The following CDH18 variants were observed in gnomAD, a reference collection of about 807,000 sequenced individuals.
The protein encoded by CDH18 is cadherin 18, also known as cadherin-18.
In CDH18, 31 loss-of-function variants were observed where a neutral mutation model predicts 67.9. That is an observed-to-expected ratio of 0.46 (90% confidence interval 0.34 to 0.62). The LOEUF (loss-of-function observed/expected upper bound fraction) is 0.62, where lower values mean the gene tolerates loss of function less well. Ranked by LOEUF, CDH18 falls within the 20% of genes least tolerant of loss-of-function variation. The pLI, the probability that CDH18 is intolerant of heterozygous loss-of-function variation, is 0.01. For missense variants in CDH18, 890 were observed against 975.5 expected (o/e 0.91, Z 1.17); for synonymous variants, 362 against 347.2 (o/e 1.04, Z -0.48).
chr5:20,377,678 T>G (rs758834454), intron 1 of CDH18, among the ~76,000 whole-genome samples: 2 of 152,212 alleles, frequency 1.3e-5, no homozygotes, highest in Non-Finnish European at 2.9e-5. Flanking sequence ...AATATGTTAA[T>G]CATGACTTAG....
chr5:20,203,891 G>A (rs973727668), intron 2 of CDH18, among the ~76,000 whole-genome samples: 1 of 151,880 alleles, frequency 6.6e-6, no homozygotes, highest in African/African-American at 2.4e-5. Context: ...AGAGTGGAAT[G>A]GATCAAGCAG....
chr5:19,622,960 G>C (rs1021454487), intron 5 of CDH18, among the ~76,000 whole-genome samples: 2 of 152,084 alleles, frequency 1.3e-5, no homozygotes, highest in Non-Finnish European at 2.9e-5. Context: ...TTACCCCAAA[G>C]GAAAACCAGT....
At chr5:20,101,966 G>A (rs938670131) in intron 2 of CDH18, among the ~76,000 whole-genome samples, 3 of 152,084 alleles carry the variant, frequency 2.0e-5, no homozygotes, top group Non-Finnish European at 4.4e-5. Flanking sequence ...ACCTACTCAG[G>A]AGGCTGAGGC....
chr5:19,702,148 CTTTT>C, intron 5 of CDH18, among the ~76,000 whole-genome samples: 1 of 114,874 alleles, frequency 8.7e-6, no homozygotes, highest in African/African-American at 3.5e-5. Context: ...CTTTCTCTCT[CTTTT>C]TTTTTTTTTT....
chr5:20,509,581 T>C (rs1754890398), intron 1 of CDH18, among the ~76,000 whole-genome samples: 1 of 152,324 alleles, frequency 6.6e-6, no homozygotes, highest in Middle Eastern at 3.4e-3. Context: ...CAGTTTTGTT[T>C]TGTTTTGTTA....
At chr5:20,455,165 T>C (rs73060624) in intron 1 of CDH18, among the ~76,000 whole-genome samples, 3,525 of 152,106 alleles carry the variant, frequency 0.023, 132 homozygotes, top group African/African-American at 0.079. Flanking sequence ...AGTGTCATAA[T>C]TGAATCATTA....
At chr5:20,374,653 A>G (rs1006517374) in intron 1 of CDH18, among the ~76,000 whole-genome samples, 4 of 152,218 alleles carry the variant, frequency 2.6e-5, no homozygotes, top group African/African-American at 7.2e-5. Context: ...AGAATCATCA[A>G]TTCAGATCTG....
chr5:20,279,364 A>G (rs1380927864), intron 1 of CDH18, among the ~76,000 whole-genome samples: 1 of 150,986 alleles, frequency 6.6e-6, no homozygotes, highest in Non-Finnish European at 1.5e-5. Flanking sequence ...AATTATAAAT[A>G]TACACTCACC....
intron 1 of CDH18, among the ~76,000 whole-genome samples, chr5:20,278,928 G>A (rs1326251490): frequency 1.3e-5 from 2 of 151,914 alleles, no homozygotes; most frequent in African/African-American, 4.8e-5. Flanking sequence ...TACATGACCA[G>A]AGAAACTAAA....
chr5:19,496,435 C>T (rs1579807293), intron 11 of CDH18, among the ~76,000 whole-genome samples: 1 of 152,114 alleles, frequency 6.6e-6, no homozygotes, highest in African/African-American at 2.4e-5. Flanking sequence ...GTCACCGACA[C>T]AATAATGTTG....
At chr5:20,552,550 A>T (rs1303623741) in intron 1 of CDH18, among the ~76,000 whole-genome samples, 1 of 152,146 alleles carries the variant, frequency 6.6e-6, no homozygotes, top group East Asian at 1.9e-4. Flanking sequence ...TTTTAGTCTC[A>T]TACATACTGA....
At chr5:20,161,613 T>C (rs1473830844) in intron 2 of CDH18, among the ~76,000 whole-genome samples, 1 of 152,218 alleles carries the variant, frequency 6.6e-6, no homozygotes, top group East Asian at 1.9e-4. Context: ...GAAGAGATCA[T>C]TCATATCCAG....
chr5:20,370,224 GTCA>G (rs140411013), intron 1 of CDH18, among the ~76,000 whole-genome samples: 6,114 of 151,492 alleles, frequency 0.04, 177 homozygotes, highest in Non-Finnish European at 0.061. Context: ...CCTTGTCACC[GTCA>G]TCATTATTAT....
At chr5:20,520,736 G>A (rs1030679373) in intron 1 of CDH18, among the ~76,000 whole-genome samples, 5 of 152,096 alleles carry the variant, frequency 3.3e-5, no homozygotes, top group Admixed American at 2.0e-4. Context: ...GCAGTTTAGG[G>A]GATAATCTAG....
At position 20,156,609 on chromosome 5, in the gene CDH18, C is replaced by T. The variant is rs187601052; in HGVS notation, c.-518+98835G>A. Reference sequence around the variant, plus strand: ...AGGGGGAGAGATCAAATACTACCTACGGAATACAATGTACACTATTCAGGT... The same window carrying T: ...AGGGGGAGAGATCAAATACTACCTATGGAATACAATGTACACTATTCAGGT... On this transcript the variant is annotated intron_variant, in intron 2 of 14. Transcript: ENST00000507958. Among the ~76,000 whole-genome samples, 53 of 152,098 alleles carry T rather than the reference C, an allele frequency of 3.5e-4. No individual in the cohort carries two copies. In the East Asian group the frequency reaches 7.6e-3, roughly 22 times the overall value.
At chr5:20,422,227 A>C (rs886874024) in intron 1 of CDH18, among the ~76,000 whole-genome samples, 4 of 151,082 alleles carry the variant, frequency 2.6e-5, no homozygotes, top group African/African-American at 4.9e-5. Context: ...TTTGTAACAT[A>C]ATCAGGAAGA....
chr5:20,026,880 C>T (rs1449887801), intron 2 of CDH18, among the ~76,000 whole-genome samples: 1 of 151,882 alleles, frequency 6.6e-6, no homozygotes, highest in Non-Finnish European at 1.5e-5. Context: ...TGGTGTGAAC[C>T]CAGGAGGTGG....
chr5:19,975,564 T>C (rs1158711214), intron 2 of CDH18, among the ~76,000 whole-genome samples: 2 of 152,188 alleles, frequency 1.3e-5, no homozygotes, highest in African/African-American at 4.8e-5. Context: ...GAGGCAATTG[T>C]TATTTTAAAT....
At chr5:19,971,527 A>T (rs1798014667) in intron 2 of CDH18, among the ~76,000 whole-genome samples, 1 of 152,104 alleles carries the variant, frequency 6.6e-6, no homozygotes, top group Non-Finnish European at 1.5e-5. Context: ...AACTTGGTAC[A>T]TCAGTGGAGG....
Sources: allele counts gnomAD v4.1 joint callset (sites outside exome capture counted in the v4.1 genomes callset), GRCh38; gene constraint gnomAD v4.1.1; transcripts MANE v1.5; gene names NCBI Gene and HGNC (gene_info 2026-07-23, HGNC 2026-07-21).